SDK2: variants seen among roughly 807,000 people sequenced by gnomAD.
The protein encoded by SDK2 is protein sidekick-2.
In SDK2, 105 loss-of-function variants were observed where a neutral mutation model predicts 253.9. The observed-to-expected ratio is 0.41, with a 90% CI of 0.35 to 0.49. SDK2 has a LOEUF of 0.49. SDK2 is among the 20% of genes least tolerant of loss of function. SDK2 has a pLI of 0.06. For missense variants in SDK2, 2,608 were observed against 3,003.0 expected, an observed-to-expected ratio of 0.87 and a Z score of 3.07; for synonymous variants, 1,249 against 1,234.9, an observed-to-expected ratio of 1.01 and a Z score of -0.24.
intron 1 of SDK2, among the ~76,000 whole-genome samples, chr17:73,568,501 T>C (rs2045338371): frequency 6.6e-6 from 1 of 152,092 alleles, no homozygotes; most frequent in African/African-American, 2.4e-5. Flanking sequence ...TGGATAGATT[T>C]AACAGCAGAT....
intron 10 of SDK2, among the ~76,000 whole-genome samples, chr17:73,432,706 T>A (rs1436032831): frequency 1.3e-5 from 2 of 149,320 alleles, no homozygotes; most frequent in African/African-American, 4.9e-5. Flanking sequence ...GCAGGGTGAG[T>A]CCTTGGAGGA....
intron 1 of SDK2, among the ~76,000 whole-genome samples, chr17:73,558,125 G>A (rs139308816): frequency 0.015 from 2,217 of 152,344 alleles, 27 homozygotes; most frequent in Non-Finnish European, 0.023. Flanking sequence ...GGAGTGAAGC[G>A]CCTTCTGCTG....
chr17:73,506,995 T>C lies in SDK2; in HGVS notation c.224+443A>G, dbSNP rs182393302. Among the ~76,000 whole-genome samples, 557 of 152,320 alleles carry C rather than the reference T, an allele frequency of 3.7e-3. 4 individuals are homozygous for C. The highest frequency in any genetic ancestry group is 0.03 in the Admixed American group (461 of 15,304). On this transcript the variant is annotated intron_variant, in intron 2 of 44. Transcript: ENST00000392650. ...GTGTCCCACCTGAATTTCCCATAGA[T>C]AGAAGATGTCCCCTCCTTCACTGAT...
chr17:73,345,131 C>T (rs2062471709), intron 44 of SDK2, among the ~76,000 whole-genome samples: 1 of 152,086 alleles, frequency 6.6e-6, no homozygotes, highest in Non-Finnish European at 1.5e-5. Flanking sequence ...CCAGCCTGGC[C>T]AACATGGTGA....
At chr17:73,574,115 A>G (rs1285260055) in intron 1 of SDK2, among the ~76,000 whole-genome samples, 2 of 152,086 alleles carry the variant, frequency 1.3e-5, no homozygotes, top group African/African-American at 2.4e-5. Context: ...GCCCACATCT[A>G]TGCATTTCCT....
chr17:73,446,546 C>T (rs566331907), intron 5 of SDK2, among the ~76,000 whole-genome samples: 2 of 152,296 alleles, frequency 1.3e-5, no homozygotes, highest in African/African-American at 4.8e-5. Flanking sequence ...GATGGCAAGG[C>T]CTGGGAATGT....
At chr17:73,432,981 G>C (rs185473748) in intron 10 of SDK2, among the ~76,000 whole-genome samples, 1 of 152,086 alleles carries the variant, frequency 6.6e-6, no homozygotes, top group African/African-American at 2.4e-5. Context: ...GGCTTTGCTG[G>C]TTCCGCCATC....
intron 3 of SDK2, among the ~76,000 whole-genome samples, chr17:73,466,956 G>A (rs776438252): frequency 4.6e-5 from 7 of 152,110 alleles, no homozygotes; most frequent in Non-Finnish European, 1.0e-4. Context: ...CCACGCTTTC[G>A]GACCTCCATC....
chr17:73,365,195 T>G, intron 38 of SDK2, 63 bp downstream of exon 38: 10 of 1,330,266 alleles, frequency 7.5e-6, no homozygotes, highest in South Asian at 1.5e-5. Context: ...TGATGGGCGC[T>G]GAGATGAGAG....
At chr17:73,468,415 G>A (rs2063619025) in intron 3 of SDK2, among the ~76,000 whole-genome samples, 1 of 152,202 alleles carries the variant, frequency 6.6e-6, no homozygotes, top group Admixed American at 6.5e-5. Flanking sequence ...GCTGGGGTGA[G>A]GCTCAGAGAG....
intron 2 of SDK2, among the ~76,000 whole-genome samples, chr17:73,491,008 G>A (rs1210544263): frequency 6.6e-6 from 1 of 152,190 alleles, no homozygotes; most frequent in Non-Finnish European, 1.5e-5. Context: ...GCCCCAGTGG[G>A]CTTCTAGATT....
At chr17:73,598,403 G>A (rs554919668) in intron 1 of SDK2, among the ~76,000 whole-genome samples, 7 of 152,320 alleles carry the variant, frequency 4.6e-5, no homozygotes, top group East Asian at 3.9e-4. Flanking sequence ...CCAGCTGGCC[G>A]AGGCAGCCCC....
chr17:73,444,071 G>T (rs73347777), intron 5 of SDK2, among the ~76,000 whole-genome samples: 5,134 of 152,278 alleles, frequency 0.034, 312 homozygotes, highest in African/African-American at 0.12. Context: ...ACTGCAGAGT[G>T]CCTGGTACAC....
At chr17:73,460,914 T>C (rs992610203) in intron 3 of SDK2, among the ~76,000 whole-genome samples, 1 of 152,224 alleles carries the variant, frequency 6.6e-6, no homozygotes, top group African/African-American at 2.4e-5. Context: ...TTTATGGTAA[T>C]AGTGTTTCTT....
At chr17:73,588,852 A>G (rs1300424474) in intron 1 of SDK2, among the ~76,000 whole-genome samples, 1 of 152,196 alleles carries the variant, frequency 6.6e-6, no homozygotes, top group East Asian at 1.9e-4. Flanking sequence ...CGTGGGGCAC[A>G]CTCCTCTACG....
chr17:73,348,306 C>A (rs911115002), intron 44 of SDK2, among the ~76,000 whole-genome samples: 1 of 152,210 alleles, frequency 6.6e-6, no homozygotes, highest in Non-Finnish European at 1.5e-5. Flanking sequence ...TGCAGGACAG[C>A]CCTAATGAGT....
intron 29 of SDK2, among the ~76,000 whole-genome samples, chr17:73,388,554 G>A (rs2062894040): frequency 6.6e-6 from 1 of 152,106 alleles, no homozygotes; most frequent in African/African-American, 2.4e-5. Flanking sequence ...GGCATCCTAT[G>A]CAATGCAGGA....
chr17:73,499,859 CTGTGTGTGTGTGTG>C (rs59872387), intron 2 of SDK2, among the ~76,000 whole-genome samples: 25,503 of 145,564 alleles, frequency 0.18, 2,361 homozygotes, highest in African/African-American at 0.22. Context: ...GCATGGGAAT[CTGTGTGTGTGTGTG>C]TGTGTGTGTG....
chr17:73,433,939 A>T, intron 9 of SDK2, 91 bp from the exon 10 acceptor site: 1 of 829,262 alleles, frequency 1.2e-6, no homozygotes, highest in Non-Finnish European at 1.9e-6. Context: ...ACCGAGGGCC[A>T]GGCCCTCATC....
Sources: allele counts gnomAD v4.1 joint callset (sites outside exome capture counted in the v4.1 genomes callset), GRCh38; gene constraint gnomAD v4.1.1; transcripts MANE v1.5; gene names NCBI Gene and HGNC (gene_info 2026-07-23, HGNC 2026-07-21).